The following LEPR variants were observed in gnomAD, a reference collection of about 807,000 sequenced individuals.
LEPR encodes leptin receptor.
A neutral mutation model predicts 114.7 loss-of-function variants in LEPR; 56 were observed. The observed-to-expected ratio is 0.49, with a 90% confidence interval of 0.39 to 0.61. The LOEUF is 0.61. Among genes scored for constraint, LEPR ranks in the 20% least tolerant of loss-of-function variants. The pLI, the probability that LEPR is intolerant of heterozygous loss-of-function variation, is 0.00. For missense variants in LEPR, 1,202 were observed against 1,352.9 expected (o/e 0.89, Z 1.75); for synonymous variants, 443 against 461.4 (o/e 0.96, Z 0.51).
intron 5 of LEPR, among the ~76,000 whole-genome samples, chr1:65,584,313 C>G (rs889590180): frequency 6.6e-6 from 1 of 151,930 alleles, no homozygotes; most frequent in Non-Finnish European, 1.5e-5. Flanking sequence ...GATAGTTGTT[C>G]GTTGTTATTG....
chr1:65,514,233 A>T (rs1022994366), intron 2 of LEPR, among the ~76,000 whole-genome samples: 2 of 152,214 alleles, frequency 1.3e-5, no homozygotes, highest in African/African-American at 4.8e-5. Flanking sequence ...AGGAAATATG[A>T]TTCTGCCATA....
rs1658730507 is a variant in LEPR at position 65,636,653 on chromosome 1, A to G, written c.3136A>G (p.Ile1046Val). 1 of 1,610,736 alleles carries G rather than the reference A, an allele frequency of 6.2e-7. No individual in the cohort carries two copies. The highest frequency in any genetic ancestry group is 8.5e-7 in the Non-Finnish European group (1 of 1,177,882). ...TATATTATCAGATCAGCATCCCAAC[A>G]TAATTTCACCACACCTCACATTCTC... ...FFILSDQHPN[I>V]ISPHLTFSEG... Residue 1046 changes from isoleucine (I) to valine (V), a missense_variant, in exon 20 of 20, where the codon ATA becomes GTA. By Grantham distance (29) the Ile-to-Val change is conservative (BLOSUM62 3). Coordinates refer to ENST00000349533, the MANE Select transcript of LEPR (RefSeq NM_002303.6).
intron 4 of LEPR, among the ~76,000 whole-genome samples, chr1:65,571,328 CT>C (rs1388642244): frequency 2.0e-5 from 3 of 151,562 alleles, no homozygotes; most frequent in African/African-American, 7.3e-5. Context: ...ACATGTACCC[CT>C]GAACTAAAAA....
intron 2 of LEPR, among the ~76,000 whole-genome samples, chr1:65,492,793 A>T (rs1256079236): frequency 4.0e-5 from 6 of 148,434 alleles, no homozygotes; most frequent in Admixed American, 1.3e-4. Flanking sequence ...TCTCCATCTC[A>T]TATGTTAAAA....
At chr1:65,571,717 G>T (rs1411823194) in intron 4 of LEPR, among the ~76,000 whole-genome samples, 1 of 147,942 alleles carries the variant, frequency 6.8e-6, no homozygotes, top group Admixed American at 6.8e-5. Flanking sequence ...CATTTAGGAG[G>T]CCTAGGCGGG....
At chr1:65,515,552 C>T (rs1403923544) in intron 2 of LEPR, among the ~76,000 whole-genome samples, 1 of 152,170 alleles carries the variant, frequency 6.6e-6, no homozygotes, top group Non-Finnish European at 1.5e-5. Flanking sequence ...CTTAGAACTT[C>T]TTAGAAAAGC....
intron 2 of LEPR, chr1:65,432,868 C>A: frequency 1.3e-6 from 1 of 758,590 alleles, no homozygotes; most frequent in Non-Finnish European, 1.6e-6. Context: ...TGTAATCATT[C>A]CACCTTATAT....
At chr1:65,519,186 G>T (rs1440516031) in intron 2 of LEPR, among the ~76,000 whole-genome samples, 1 of 135,070 alleles carries the variant, frequency 7.4e-6, no homozygotes, top group Non-Finnish European at 1.5e-5. Context: ...GTCTCATTTT[G>T]TCACCCAGCC....
chr1:65,596,807 C>G (rs1468253723), intron 7 of LEPR, among the ~76,000 whole-genome samples: 2 of 152,024 alleles, frequency 1.3e-5, no homozygotes, highest in East Asian at 3.9e-4. Flanking sequence ...AACTTGAATT[C>G]ATAATTACAA....
intron 2 of LEPR, among the ~76,000 whole-genome samples, chr1:65,486,746 T>C (rs1023708436): frequency 1.3e-5 from 2 of 152,148 alleles, no homozygotes; most frequent in African/African-American, 4.8e-5. Context: ...GAGGCTAACA[T>C]TTCTAGGAGA....
chr1:65,454,871 A>G (rs920346061), intron 2 of LEPR, among the ~76,000 whole-genome samples: 2 of 152,202 alleles, frequency 1.3e-5, no homozygotes, highest in African/African-American at 2.4e-5. Context: ...GATATCCTGC[A>G]GAGTGTTTTC....
intron 2 of LEPR, among the ~76,000 whole-genome samples, chr1:65,492,380 T>A (rs1400108112): frequency 6.6e-6 from 1 of 152,142 alleles, no homozygotes; most frequent in Non-Finnish European, 1.5e-5. Flanking sequence ...TTCCTTATTA[T>A]GCGTGAAGTT....
intron 19 of LEPR, chr1:65,635,023 C>A: frequency 1.2e-6 from 1 of 849,406 alleles, no homozygotes; most frequent in Non-Finnish European, 1.4e-6. Flanking sequence ...TTGCGCTTGG[C>A]ATATTTATTC....
At chr1:65,634,653 A>G (rs1212190716) in intron 19 of LEPR, 2 of 978,246 alleles carry the variant, frequency 2.0e-6, no homozygotes, top group Non-Finnish European at 2.4e-6. Context: ...GAAATATATC[A>G]AACACATCAT....
chr1:65,548,288 A>G (rs1418512070), intron 2 of LEPR, among the ~76,000 whole-genome samples: 1 of 152,046 alleles, frequency 6.6e-6, no homozygotes, highest in Non-Finnish European at 1.5e-5. Flanking sequence ...TATTCTGTTG[A>G]TTTGGGGTGG....
intron 2 of LEPR, chr1:65,436,076 A>G: frequency 3.0e-6 from 3 of 984,762 alleles, no homozygotes; most frequent in Non-Finnish European, 3.6e-6. Context: ...TACATTTGGA[A>G]AGGAGATCAG....
intron 2 of LEPR, among the ~76,000 whole-genome samples, chr1:65,479,108 C>A (rs1053799770): frequency 6.6e-6 from 1 of 152,120 alleles, no homozygotes; most frequent in African/African-American, 2.4e-5. Flanking sequence ...ACAGCTTCCA[C>A]GGTGTGTATG....
chr1:65,518,913 C>CTT (rs756905053), intron 2 of LEPR, among the ~76,000 whole-genome samples: 3 of 79,552 alleles, frequency 3.8e-5, no homozygotes, highest in African/African-American at 1.2e-4. Context: ...TTCTTTCTTT[C>CTT]TTTCTCTCTT....
chr1:65,533,875 A>C (rs971404038), intron 2 of LEPR, among the ~76,000 whole-genome samples: 14 of 152,052 alleles, frequency 9.2e-5, no homozygotes, highest in African/African-American at 3.1e-4. Context: ...TAACTCCACC[A>C]GCTTTCTTTT....
Sources: allele counts gnomAD v4.1 joint callset (sites outside exome capture counted in the v4.1 genomes callset), GRCh38; gene constraint gnomAD v4.1.1; transcripts MANE v1.5; gene names NCBI Gene and HGNC (gene_info 2026-07-23, HGNC 2026-07-21).